The following SPRYD4 variants were observed in gnomAD, a reference collection of about 807,000 sequenced individuals.
SPRYD4 encodes SPRY domain containing 4.
In SPRYD4, 12 loss-of-function variants were observed where a neutral mutation model predicts 16.6. The observed-to-expected ratio is 0.72, with a 90% CI of 0.46 to 1.17. The LOEUF is 1.17. Among genes scored for constraint, SPRYD4 ranks in the 50% most tolerant of loss-of-function variants. The pLI, the probability that SPRYD4 is intolerant of heterozygous loss-of-function variation, is 0.00. For synonymous variants in SPRYD4, 98 were observed against 105.4 expected (o/e 0.93, Z 0.43); for missense variants, 260 against 260.2 (o/e 1.00, Z 0.00).
Position 56,473,766 on chromosome 12 carries a change from A to G in SPRYD4, c.*4189A>G, listed in dbSNP as rs535715991. The G allele has an allele frequency of 3.4e-4, 240 of 706,318 alleles. No homozygotes were observed. Among genetic ancestry groups the G allele is most frequent in the Non-Finnish European group, 4.4e-4 (205 of 462,684 alleles). 43.8% of individuals were successfully genotyped at this position (706,318 alleles called of 1,614,324 possible). On this transcript the variant is annotated 3_prime_UTR_variant, in exon 2 of 2. Transcript: ENST00000338146. Reference sequence around the variant, plus strand: ...ATTACTCCTGTCCTTTCCTTCCCTTAAATTCATTGATTCAGCTAGAAAATA... The same window carrying G: ...ATTACTCCTGTCCTTTCCTTCCCTTGAATTCATTGATTCAGCTAGAAAATA...
In SPRYD4 at chr12:56,471,407, A is replaced by G. The variant is rs1869245356; in HGVS notation, c.*1830A>G. On this transcript the variant is annotated 3_prime_UTR_variant, in exon 2 of 2. Coordinates refer to ENST00000338146, the MANE Select transcript of SPRYD4 (RefSeq NM_207344.4). ...CCCCACTGAAGCAGTGTAGCTCTCC[A>G]TAGTATTTTTGGTGGTTATGGATTA... The G allele has an allele frequency of 2.1e-6, 3 of 1,439,346 alleles. No individual in the cohort carries two copies. The highest frequency in any genetic ancestry group is 2.8e-6 in the Non-Finnish European group (3 of 1,066,798). The allele number at this position is 1,439,346 out of a possible 1,614,324, so 89.2% of individuals were successfully genotyped here. A position where few individuals can be genotyped will look rare whatever the true frequency, so the allele number is the denominator to read the frequency against.
At position 56,479,040 on chromosome 12, in the gene SPRYD4, CCTGA is replaced by C. The variant is rs1870074401; in HGVS notation, c.*9466_*9469del. ...AGGTCCCTGACCCCTCCCTTAGTCC[CCTGA>C]CTCTCACTTTGCCTCCAGTGAGCTC... On this transcript the variant is annotated 3_prime_UTR_variant, in exon 2 of 2. Transcript: ENST00000338146. 1 of 1,613,170 alleles carries C rather than the reference CCTGA, an allele frequency of 6.2e-7. No homozygotes were observed. The highest frequency in any genetic ancestry group is 1.3e-5 in the African/African-American group (1 of 74,884).
In SPRYD4 at chr12:56,478,265, G is replaced by A; in HGVS notation, c.*8688G>A. On this transcript the variant is annotated 3_prime_UTR_variant, in exon 2 of 2. Coordinates refer to ENST00000338146, the MANE Select transcript of SPRYD4 (RefSeq NM_207344.4). Reference sequence around the variant, plus strand: ...AGCTGAGGGATGTAGGCTGCCACCTGGACATGAGTGGGTAGAGAAAAGGGA... The same window carrying A: ...AGCTGAGGGATGTAGGCTGCCACCTAGACATGAGTGGGTAGAGAAAAGGGA... 1.2e-6 allele frequency: 2 copies of A among 1,614,080 alleles called. No homozygotes were observed. The highest frequency in any genetic ancestry group is 1.7e-6 in the Non-Finnish European group (2 of 1,179,922).
chr12:56,475,799 CCAG>C lies in SPRYD4; in HGVS notation c.*6226_*6228del, dbSNP rs1295380233. On this transcript the variant is annotated 3_prime_UTR_variant, in exon 2 of 2. Transcript: ENST00000338146. Reference sequence around the variant, plus strand: ...TGTCAAGAGGCTTTCCTCTCTGAGGCCAGCAGATTTCCACATTTCTGGAAATAA... The same window carrying C: ...TGTCAAGAGGCTTTCCTCTCTGAGGCCAGATTTCCACATTTCTGGAAATAA... 7.2e-7 allele frequency: 1 copy of C among 1,381,730 alleles called. No individual in the cohort carries two copies. Among genetic ancestry groups the C allele is most frequent in the Non-Finnish European group, 1.0e-6 (1 of 974,038 alleles). 85.6% of individuals were successfully genotyped at this position (1,381,730 alleles called of 1,614,324 possible). A position where few individuals can be genotyped will look rare whatever the true frequency, so the allele number is the denominator to read the frequency against.
At chr12:56,468,993 G>A (rs1450606390) in intron 1 of SPRYD4, 46 bp from the exon 2 acceptor site, 1 of 1,517,598 alleles carries the variant, frequency 6.6e-7, no homozygotes. Context: ...ACCAGCCCTA[G>A]GGTTCTAGCC....
Position 56,475,219 on chromosome 12 carries a change from A to T in SPRYD4, c.*5642A>T. 6.2e-7 allele frequency: 1 copy of T among 1,600,856 alleles called. No homozygotes were observed. The highest frequency in any genetic ancestry group is 8.5e-7 in the Non-Finnish European group (1 of 1,179,016). On this transcript the variant is annotated 3_prime_UTR_variant, in exon 2 of 2. Coordinates refer to ENST00000338146, the MANE Select transcript of SPRYD4 (RefSeq NM_207344.4). Reference sequence around the variant, plus strand: ...AGAACTACATCACACCACAAACTAAATGAACCCCTTTATAACTTCTCACAG... The same window carrying T: ...AGAACTACATCACACCACAAACTAATTGAACCCCTTTATAACTTCTCACAG...
In SPRYD4 at chr12:56,471,829, G is replaced by T. The variant is rs139823988; in HGVS notation, c.*2252G>T. The T allele has an allele frequency of 6.8e-6, 11 of 1,613,804 alleles. No homozygotes were observed. Among genetic ancestry groups the T allele is most frequent in the Non-Finnish European group, 8.5e-6 (10 of 1,180,008 alleles). ...CCTCGATCAGGAATTTAACAACTTCGATGTGTCCTAGGAATATGGGCAGAA... is the reference window on the plus strand; with the variant it reads ...CCTCGATCAGGAATTTAACAACTTCTATGTGTCCTAGGAATATGGGCAGAA... On this transcript the variant is annotated 3_prime_UTR_variant, in exon 2 of 2. Coordinates refer to ENST00000338146, the MANE Select transcript of SPRYD4 (RefSeq NM_207344.4).
At position 56,477,989 on chromosome 12, in the gene SPRYD4, A is replaced by G. The variant is rs1217547685; in HGVS notation, c.*8412A>G. On this transcript the variant is annotated 3_prime_UTR_variant, in exon 2 of 2. Transcript: ENST00000338146. Reference sequence around the variant, plus strand: ...CAGGCCACTTGGCTCTTTGCCCACAAACTTGTGCACGTAGTCAGTGCCTAG... The same window carrying G: ...CAGGCCACTTGGCTCTTTGCCCACAGACTTGTGCACGTAGTCAGTGCCTAG... 1 of 1,614,086 alleles carries G rather than the reference A, an allele frequency of 6.2e-7. No individual in the cohort carries two copies. The highest frequency in any genetic ancestry group is 1.3e-5 in the African/African-American group (1 of 74,934).
chr12:56,474,784 G>T lies in SPRYD4; in HGVS notation c.*5207G>T, dbSNP rs1160879763. On this transcript the variant is annotated 3_prime_UTR_variant, in exon 2 of 2. Transcript: ENST00000338146. ...CTGCACATGGGACCCTCGGGTGTAG[G>T]GAAAGGGCAAGGGCAAGGACAGTCT... The T allele has an allele frequency of 1.9e-6, 3 of 1,613,228 alleles. No individual in the cohort carries two copies. The highest frequency in any genetic ancestry group is 2.5e-6 in the Non-Finnish European group (3 of 1,179,542).
rs1869221807 is a variant in SPRYD4 at position 56,471,096 on chromosome 12, C to T, written c.*1519C>T. 1 of 361,280 alleles carries T rather than the reference C, an allele frequency of 2.8e-6. No homozygotes were observed. The highest frequency in any genetic ancestry group is 1.4e-4 in the South Asian group (1 of 7,004). 22.4% of individuals were successfully genotyped at this position (361,280 alleles called of 1,614,324 possible). Reference sequence around the variant, plus strand: ...GCCATGTATATAGCCATTCCCACTTCCCATATTCTGTGGATATGTACATGT... The same window carrying T: ...GCCATGTATATAGCCATTCCCACTTTCCATATTCTGTGGATATGTACATGT... On this transcript the variant is annotated 3_prime_UTR_variant, in exon 2 of 2. Transcript: ENST00000338146.
In SPRYD4 at chr12:56,473,840, A is replaced by T; in HGVS notation, c.*4263A>T. ...CTGTGCTAGATGCTGTGCTAGAACTAGGAACTTCCATTCTGGTGTTAGGAG... is the reference window on the plus strand; with the variant it reads ...CTGTGCTAGATGCTGTGCTAGAACTTGGAACTTCCATTCTGGTGTTAGGAG... On this transcript the variant is annotated 3_prime_UTR_variant, in exon 2 of 2. Coordinates refer to ENST00000338146, the MANE Select transcript of SPRYD4 (RefSeq NM_207344.4). 2.3e-6 allele frequency: 1 copy of T among 427,020 alleles called. No individual in the cohort carries two copies. Among genetic ancestry groups the T allele is most frequent in the South Asian group, 5.2e-5 (1 of 19,070 alleles). The allele number at this position is 427,020 out of a possible 1,614,324, so 26.5% of individuals were successfully genotyped here.
chr12:56,473,714 C>T lies in SPRYD4; in HGVS notation c.*4137C>T. 2 of 1,281,414 alleles carry T rather than the reference C, an allele frequency of 1.6e-6. No homozygotes were observed. The highest frequency in any genetic ancestry group is 3.6e-5 in the South Asian group (2 of 55,842). The allele number at this position is 1,281,414 out of a possible 1,614,324, so 79.4% of individuals were successfully genotyped here. On this transcript the variant is annotated 3_prime_UTR_variant, in exon 2 of 2. Transcript: ENST00000338146. The stretch of plus-strand genomic sequence containing the variant: ...CTGCATGACCACAATCCACCTCAAC[C>T]TTTTGGCTTGTTAATTAGCTTCTTT...
chr12:56,479,270 T>C lies in SPRYD4; in HGVS notation c.*9693T>C. 1 of 1,523,104 alleles carries C rather than the reference T, an allele frequency of 6.6e-7. No individual in the cohort carries two copies. The highest frequency in any genetic ancestry group is 1.9e-5 in the Admixed American group (1 of 51,420). 94.3% of individuals were successfully genotyped at this position (1,523,104 alleles called of 1,614,324 possible). ...CACGGAAATTGGGAATAAAGAAGGT[T>C]GAGTGGTCTTCAGGTTTGGGATCAA... On this transcript the variant is annotated 3_prime_UTR_variant, in exon 2 of 2. Transcript: ENST00000338146.
At position 56,472,971 on chromosome 12, in the gene SPRYD4, C is replaced by T; in HGVS notation, c.*3394C>T. 1 of 569,608 alleles carries T rather than the reference C, an allele frequency of 1.8e-6. No homozygotes were observed. The highest frequency in any genetic ancestry group is 3.1e-6 in the Non-Finnish European group (1 of 326,662). 35.3% of individuals were successfully genotyped at this position (569,608 alleles called of 1,614,324 possible). A position where few individuals can be genotyped will look rare whatever the true frequency, so the allele number is the denominator to read the frequency against. ...GGCGCGCGGTCTTGGCTCACTGCAA[C>T]CTCTGCCTCCCGGTTTCAAGCGATT... On this transcript the variant is annotated 3_prime_UTR_variant, in exon 2 of 2. Transcript: ENST00000338146.
chr12:56,474,256 AT>A lies in SPRYD4; in HGVS notation c.*4685del. ...AGGTGCACACCACCACCCCCGGCTA[AT>A]TTTTTGTATTTAGTAGAGATGGGGT... On this transcript the variant is annotated 3_prime_UTR_variant, in exon 2 of 2. Coordinates refer to ENST00000338146, the MANE Select transcript of SPRYD4 (RefSeq NM_207344.4). 2 of 380,702 alleles carry A rather than the reference AT, an allele frequency of 5.3e-6. No homozygotes were observed. The highest frequency in any genetic ancestry group is 2.3e-5 in the South Asian group (1 of 43,426). 23.6% of individuals were successfully genotyped at this position (380,702 alleles called of 1,614,324 possible).
Position 56,479,414 on chromosome 12 carries a change from T to A in SPRYD4, c.*9837T>A, listed in dbSNP as rs1020492618. 6.6e-5 allele frequency: 32 copies of A among 483,914 alleles called. No individual in the cohort carries two copies. The highest frequency in any genetic ancestry group is 3.8e-5 in the Admixed American group (1 of 26,264). The allele number at this position is 483,914 out of a possible 1,614,324, so 30.0% of individuals were successfully genotyped here. A position where few individuals can be genotyped will look rare whatever the true frequency, so the allele number is the denominator to read the frequency against. ...ATGTCTTGGGATATGAGAAAAAAAA[T>A]AAATACCAGAATAATATGTATGTAT... On this transcript the variant is annotated 3_prime_UTR_variant, in exon 2 of 2. Coordinates refer to ENST00000338146, the MANE Select transcript of SPRYD4 (RefSeq NM_207344.4).
chr12:56,473,758 C>T lies in SPRYD4; in HGVS notation c.*4181C>T, dbSNP rs1293150444. On this transcript the variant is annotated 3_prime_UTR_variant, in exon 2 of 2. Coordinates refer to ENST00000338146, the MANE Select transcript of SPRYD4 (RefSeq NM_207344.4). The stretch of plus-strand genomic sequence containing the variant: ...CTTCTTTTATTACTCCTGTCCTTTC[C>T]TTCCCTTAAATTCATTGATTCAGCT... 2 of 775,776 alleles carry T rather than the reference C, an allele frequency of 2.6e-6. No homozygotes were observed. The highest frequency in any genetic ancestry group is 3.8e-6 in the Non-Finnish European group (2 of 522,232). 48.1% of individuals were successfully genotyped at this position (775,776 alleles called of 1,614,324 possible). A position where few individuals can be genotyped will look rare whatever the true frequency, so the allele number is the denominator to read the frequency against.
Position 56,477,751 on chromosome 12 carries a change from C to T in SPRYD4, c.*8174C>T, listed in dbSNP as rs1215451038. The T allele has an allele frequency of 6.3e-7, 1 of 1,598,364 alleles. No individual in the cohort carries two copies. Among genetic ancestry groups the T allele is most frequent in the Non-Finnish European group, 8.5e-7 (1 of 1,171,262 alleles). ...AATACAAACCACCAAGAGTCTTAGC[C>T]ACTGAACAAAGCCTCCCTGACAGCC... On this transcript the variant is annotated 3_prime_UTR_variant, in exon 2 of 2. Coordinates refer to ENST00000338146, the MANE Select transcript of SPRYD4 (RefSeq NM_207344.4).
Position 56,477,954 on chromosome 12 carries a change from T to G in SPRYD4, c.*8377T>G. ...TCACCTTCCTCATTGAGGGAGAGCT[T>G]GTTGTAGCGCAGGCCACTTGGCTCT... On this transcript the variant is annotated 3_prime_UTR_variant, in exon 2 of 2. Coordinates refer to ENST00000338146, the MANE Select transcript of SPRYD4 (RefSeq NM_207344.4). 1.2e-6 allele frequency: 2 copies of G among 1,613,752 alleles called. No individual in the cohort carries two copies. The highest frequency in any genetic ancestry group is 1.7e-6 in the Non-Finnish European group (2 of 1,179,722).
Sources: gnomAD v4.1 joint callset for allele counts on GRCh38, gnomAD v4.1.1 for gene constraint, MANE v1.5 for transcripts, NCBI Gene and HGNC (gene_info 2026-07-23, HGNC 2026-07-21) for gene names.